Variants in SEC22A observed in about 807,000 individuals in gnomAD.
SEC22A encodes the protein SEC22 homolog A, vesicle trafficking protein, also known as vesicle-trafficking protein SEC22a.
A neutral mutation model predicts 35.3 loss-of-function variants in SEC22A; 22 were observed. The observed-to-expected ratio is 0.62, with a 90% CI of 0.45 to 0.89. The LOEUF (loss-of-function observed/expected upper bound fraction) is 0.89. SEC22A is among the 40% of genes least tolerant of loss of function. The probability of loss-of-function intolerance (pLI) is 0.00; values close to 1 mark genes in which losing one functional copy is unlikely to be tolerated. For synonymous variants in SEC22A, 119 were observed against 129.5 expected, an observed-to-expected ratio of 0.92 and a Z score of 0.55; for missense variants, 354 against 362.5, an observed-to-expected ratio of 0.98 and a Z score of 0.19.
chr3:123,230,477 T>C (rs1164720988), intron 4 of SEC22A, among the ~76,000 whole-genome samples: 2 of 151,958 alleles, frequency 1.3e-5, no homozygotes, highest in Non-Finnish European at 2.9e-5. Flanking sequence ...CAATGCATTA[T>C]GGAGTTTGTG....
chr3:123,262,847 C>T lies in SEC22A; in HGVS notation c.723+3258C>T, dbSNP rs538341894. On this transcript the variant is annotated intron_variant, in intron 6 of 6. Coordinates refer to ENST00000492595, the MANE Select transcript of SEC22A (RefSeq NM_012430.5). Reference sequence around the variant, plus strand: ...ACATATGTGTATGGGTAAAGTTTTTCTAATTAAACTTTTTATTTTGGGATA... The same window carrying T: ...ACATATGTGTATGGGTAAAGTTTTTTTAATTAAACTTTTTATTTTGGGATA... Among the ~76,000 whole-genome samples, 24 of 152,188 alleles carry T rather than the reference C, an allele frequency of 1.6e-4. No homozygotes were observed. In the East Asian group the frequency reaches 4.6e-3, roughly 29 times the overall value.
chr3:123,233,403 C>T (rs1325449687), intron 4 of SEC22A, among the ~76,000 whole-genome samples: 2 of 152,064 alleles, frequency 1.3e-5, no homozygotes, highest in African/African-American at 2.4e-5. Flanking sequence ...CACTCTATGA[C>T]GTTTGCACAG....
chr3:123,257,990 T>C (rs1937777356), intron 5 of SEC22A, among the ~76,000 whole-genome samples: 1 of 99,846 alleles, frequency 1.0e-5, no homozygotes, highest in Admixed American at 1.0e-4. Flanking sequence ...AGACTCCATC[T>C]CATTGAAAAA....
chr3:123,218,896 A>G (rs1937077235), intron 2 of SEC22A, among the ~76,000 whole-genome samples: 1 of 152,238 alleles, frequency 6.6e-6, no homozygotes, highest in Non-Finnish European at 1.5e-5. Context: ...GGTGAGCAAT[A>G]CAGAAATCAT....
intron 4 of SEC22A, among the ~76,000 whole-genome samples, chr3:123,241,037 A>ACACACACG (rs1274016548): frequency 6.7e-6 from 1 of 148,728 alleles, no homozygotes; most frequent in Non-Finnish European, 1.5e-5. Flanking sequence ...ACACACACAC[A>ACACACACG]CACACATCCC....
At chr3:123,247,658 T>A (rs1184798526) in intron 5 of SEC22A, among the ~76,000 whole-genome samples, 1 of 152,230 alleles carries the variant, frequency 6.6e-6, no homozygotes, top group Non-Finnish European at 1.5e-5. Context: ...TGTCTCTGGC[T>A]CATTGCAGTT....
intron 6 of SEC22A, among the ~76,000 whole-genome samples, chr3:123,261,780 C>T (rs1029884716): frequency 6.6e-6 from 1 of 152,076 alleles, no homozygotes; most frequent in East Asian, 1.9e-4. Flanking sequence ...GAGGTATAGA[C>T]AGTTCTTATA....
chr3:123,219,854 T>C (rs1937091829), intron 2 of SEC22A, among the ~76,000 whole-genome samples: 1 of 152,202 alleles, frequency 6.6e-6, no homozygotes, highest in Non-Finnish European at 1.5e-5. Flanking sequence ...TATTTCAATC[T>C]GTCCCATGAT....
chr3:123,254,672 T>A (rs1303348910), intron 5 of SEC22A, among the ~76,000 whole-genome samples: 1 of 152,246 alleles, frequency 6.6e-6, no homozygotes, highest in Non-Finnish European at 1.5e-5. Flanking sequence ...TGCTCTCTTC[T>A]AATTTTTTGA....
intron 6 of SEC22A, among the ~76,000 whole-genome samples, chr3:123,260,996 T>C (rs755130004): frequency 1.2e-4 from 18 of 152,036 alleles, no homozygotes; most frequent in Non-Finnish European, 2.5e-4. Flanking sequence ...CCACCATGCC[T>C]AGCTAATTTT....
intron 5 of SEC22A, among the ~76,000 whole-genome samples, chr3:123,258,464 G>C (rs1937795948): frequency 6.6e-6 from 1 of 152,122 alleles, no homozygotes; most frequent in South Asian, 2.1e-4. Flanking sequence ...ACTTATTTAA[G>C]GTTTTAGAAT....
intron 5 of SEC22A, among the ~76,000 whole-genome samples, chr3:123,258,072 C>T (rs78268172): frequency 3.0e-4 from 45 of 150,532 alleles, no homozygotes; most frequent in Non-Finnish European, 5.2e-4. Context: ...TTAGAGAAAA[C>T]TATAGTATCC....
chr3:123,248,241 T>C (rs1041024397), intron 5 of SEC22A, among the ~76,000 whole-genome samples: 2 of 152,156 alleles, frequency 1.3e-5, no homozygotes, highest in African/African-American at 4.8e-5. Context: ...ATAAAAGATA[T>C]ACAGATTAGG....
chr3:123,209,411 G>A lies in SEC22A; in HGVS notation c.182+12G>A. ...CATTATAACATTAAGTAAGACTTCA[G>A]TTTGCTTCATTTGACTCATTTGCCC... On this transcript the variant is annotated intron_variant, in intron 2 of 6. Transcript: ENST00000492595. The A allele has an allele frequency of 1.3e-6, 2 of 1,597,008 alleles. No individual in the cohort carries two copies. Among genetic ancestry groups the A allele is most frequent in the African/African-American group, 1.3e-5 (1 of 74,654 alleles).
At chr3:123,266,093 T>C (rs1269429702) in intron 6 of SEC22A, among the ~76,000 whole-genome samples, 1 of 152,188 alleles carries the variant, frequency 6.6e-6, no homozygotes, top group African/African-American at 2.4e-5. Context: ...TAGAGTTGGT[T>C]GTAGTATTCT....
chr3:123,247,304 G>T (rs1420480423), intron 5 of SEC22A, among the ~76,000 whole-genome samples: 4 of 152,138 alleles, frequency 2.6e-5, no homozygotes, highest in African/African-American at 9.7e-5. Context: ...GCAGGCTTGG[G>T]CTTGGGTAGA....
chr3:123,209,975 C>T (rs1233397098), intron 2 of SEC22A, among the ~76,000 whole-genome samples: 1 of 152,048 alleles, frequency 6.6e-6, no homozygotes, highest in African/African-American at 2.4e-5. Context: ...TTTTTACATG[C>T]CAAGAGACAG....
At chr3:123,243,271 C>A (rs1276553591) in intron 4 of SEC22A, among the ~76,000 whole-genome samples, 1 of 151,908 alleles carries the variant, frequency 6.6e-6, no homozygotes, top group Non-Finnish European at 1.5e-5. Flanking sequence ...CGGGGTGGGG[C>A]AGAAAACCAG....
At chr3:123,269,032 A>C (rs1396237125) in intron 6 of SEC22A, among the ~76,000 whole-genome samples, 1 of 152,216 alleles carries the variant, frequency 6.6e-6, no homozygotes, top group Non-Finnish European at 1.5e-5. Context: ...TTCAGTCAGG[A>C]AATGTGATAA....
Sources: allele counts gnomAD v4.1 joint callset (sites outside exome capture counted in the v4.1 genomes callset), GRCh38; gene constraint gnomAD v4.1.1; transcripts MANE v1.5; gene names NCBI Gene and HGNC (gene_info 2026-07-23, HGNC 2026-07-21).